The following PIK3C2A variants were observed in gnomAD, a reference collection of about 807,000 sequenced individuals.
PIK3C2A encodes the protein phosphatidylinositol 4-phosphate 3-kinase C2 domain-containing subunit alpha.
PIK3C2A carries 97 observed loss-of-function variants against 204.5 expected under a neutral mutation model. The ratio of observed to expected loss-of-function variants is 0.47; its 90% CI spans 0.40 to 0.56. The LOEUF (loss-of-function observed/expected upper bound fraction) is 0.56, where lower values mean the gene tolerates loss of function less well. Among genes scored for constraint, PIK3C2A ranks in the 20% least tolerant of loss-of-function variants. The probability of loss-of-function intolerance (pLI) is 0.00; values close to 1 mark genes in which losing one functional copy is unlikely to be tolerated. For synonymous variants in PIK3C2A, 653 were observed against 664.4 expected (o/e 0.98, Z 0.26); for missense variants, 1,735 against 1,969.2 (o/e 0.88, Z 2.25).
rs561069911 is a variant in PIK3C2A at position 17,098,718 on chromosome 11, A to C, written c.4118+1142T>G. ...ATTCATTTCAGCCCAGACTCTTGAG[A>C]CTAGGGAAGTCCAGTCAGTGTTTTA... On this transcript the variant is annotated intron_variant, in intron 26 of 32. Transcript: ENST00000691414. 2.6e-5 allele frequency among the ~76,000 whole-genome samples: 4 copies of C among 152,308 alleles called. No homozygotes were observed. In the East Asian group the frequency reaches 7.7e-4, roughly 29 times the overall value.
intron 13 of PIK3C2A, among the ~76,000 whole-genome samples, chr11:17,128,158 T>C (rs1462082881): frequency 2.6e-5 from 4 of 152,178 alleles, no homozygotes; most frequent in African/African-American, 9.7e-5. Flanking sequence ...GTGTTTGTTA[T>C]TATAGTAAAT....
At chr11:17,091,765 G>C (rs2137260464) in intron 30 of PIK3C2A, 109 bp from the exon 31 acceptor site, 1 of 758,054 alleles carries the variant, frequency 1.3e-6, no homozygotes, top group South Asian at 1.7e-5. Flanking sequence ...CGGACAGAAG[G>C]GAGGGGAAAA....
chr11:17,124,556 A>C (rs1232029421), intron 13 of PIK3C2A, among the ~76,000 whole-genome samples: 1 of 151,360 alleles, frequency 6.6e-6, no homozygotes, highest in African/African-American at 2.4e-5. Flanking sequence ...CTTTTAATTC[A>C]GGGTCAGCAA....
chr11:17,199,166 G>T (rs1852276244), intron 1 of PIK3C2A, among the ~76,000 whole-genome samples: 1 of 149,676 alleles, frequency 6.7e-6, no homozygotes, highest in Admixed American at 6.7e-5. Flanking sequence ...GACATGAAAA[G>T]ATACTCAATA....
chr11:17,154,277 C>T (rs1490209126), intron 3 of PIK3C2A, among the ~76,000 whole-genome samples: 2 of 152,012 alleles, frequency 1.3e-5, no homozygotes, highest in Non-Finnish European at 2.9e-5. Flanking sequence ...GGGAGAGTAA[C>T]CTTTGCCAAG....
In PIK3C2A at chr11:17,112,678, A is replaced by G; in HGVS notation, c.3322-12T>C. ...AAGAAGGAACACGACTGCAAATACA[A>G]CATGTTAAGCATTAGAAAGATAAAT... On this transcript the variant is annotated splice_polypyrimidine_tract_variant and intron_variant, in intron 20 of 32. Coordinates refer to ENST00000691414, the MANE Select transcript of PIK3C2A (RefSeq NM_002645.4). 7.2e-7 allele frequency: 1 copy of G among 1,385,346 alleles called. No individual in the cohort carries two copies. The highest frequency in any genetic ancestry group is 1.4e-5 in the South Asian group (1 of 69,836). The allele number at this position is 1,385,346 out of a possible 1,614,324, so 85.8% of individuals were successfully genotyped here.
intron 1 of PIK3C2A, among the ~76,000 whole-genome samples, chr11:17,188,144 C>T (rs2137543441): frequency 6.6e-6 from 1 of 151,936 alleles, no homozygotes; most frequent in African/African-American, 2.4e-5. Flanking sequence ...TCGAGACCAG[C>T]CTGGCCAACA....
intron 8 of PIK3C2A, among the ~76,000 whole-genome samples, chr11:17,139,688 C>T (rs576896722): frequency 4.6e-5 from 7 of 152,332 alleles, no homozygotes; most frequent in Admixed American, 3.9e-4. Flanking sequence ...GCCTCCGTTA[C>T]ATAAACGTCC....
intron 1 of PIK3C2A, among the ~76,000 whole-genome samples, chr11:17,201,440 T>C (rs1437718765): frequency 7.0e-6 from 1 of 142,214 alleles, no homozygotes; most frequent in South Asian, 2.2e-4. Flanking sequence ...GGCAGGAGAA[T>C]CACTTGAGCC....
rs190720106 is a variant in PIK3C2A, at chr11:17,178,066, C to A, written c.-65-8260G>T. Among the ~76,000 whole-genome samples the A allele has an allele frequency of 8.9e-5, 11 of 123,284 alleles. No individual in the cohort carries two copies. In the East Asian group the frequency reaches 2.7e-3, roughly 30 times the overall value. 80.9% of individuals were successfully genotyped at this position (123,284 alleles called of 152,430 possible). On this transcript the variant is annotated intron_variant, in intron 1 of 32. Coordinates refer to ENST00000691414, the MANE Select transcript of PIK3C2A (RefSeq NM_002645.4). ...CGAGATCATGCCACCACACTCCAGC[C>A]TGGGCAACAGAGTGAGACTCCATCT...
chr11:17,206,934 T>G (rs1003842591), intron 1 of PIK3C2A, among the ~76,000 whole-genome samples: 3 of 152,204 alleles, frequency 2.0e-5, no homozygotes, highest in African/African-American at 7.2e-5. Context: ...TTTCACTTAA[T>G]TCAAACCCCC....
Position 17,150,622 on chromosome 11 carries a change from G to A in PIK3C2A, c.1203C>T (p.Arg401=). 1 of 1,606,520 alleles carries A rather than the reference G, an allele frequency of 6.2e-7. No homozygotes were observed. Among genetic ancestry groups the A allele is most frequent in the Non-Finnish European group, 8.5e-7 (1 of 1,176,990 alleles). The change falls in exon 4 of 33, where the codon CGC becomes CGT. Residue 401 remains arginine, a synonymous_variant. Transcript: ENST00000691414. ...GACTTAACAAATAGCCTGGGTTTGTGCGGTGATTGGTATATGGAAATTTGG... is the reference window on the plus strand; with the variant it reads ...GACTTAACAAATAGCCTGGGTTTGTACGGTGATTGGTATATGGAAATTTGG... ...LKTKFPYTNH[R]TNPGYLLSPV...
chr11:17,100,222 CT>C (rs1272313951), intron 25 of PIK3C2A, among the ~76,000 whole-genome samples: 3 of 118,600 alleles, frequency 2.5e-5, no homozygotes, highest in Non-Finnish European at 1.6e-5. Context: ...TCCAGATCTC[CT>C]TTTGTCTAGG....
intron 1 of PIK3C2A, among the ~76,000 whole-genome samples, chr11:17,197,976 C>G (rs1020643472): frequency 3.9e-5 from 6 of 152,148 alleles, no homozygotes; most frequent in African/African-American, 1.4e-4. Flanking sequence ...CCATCAATTT[C>G]TATGACTAAA....
intron 8 of PIK3C2A, among the ~76,000 whole-genome samples, chr11:17,144,075 T>G (rs1850154037): frequency 6.6e-6 from 1 of 152,228 alleles, no homozygotes; most frequent in South Asian, 2.1e-4. Context: ...ACATGGATTA[T>G]AAGGATAATA....
chr11:17,107,513 C>G (rs192554768), intron 22 of PIK3C2A, among the ~76,000 whole-genome samples: 20 of 151,960 alleles, frequency 1.3e-4, no homozygotes, highest in Non-Finnish European at 2.5e-4. Context: ...CAAAACATTT[C>G]CAGAAGGCTA....
chr11:17,205,627 G>A (rs1479398902), intron 1 of PIK3C2A, among the ~76,000 whole-genome samples: 2 of 152,052 alleles, frequency 1.3e-5, no homozygotes, highest in Non-Finnish European at 2.9e-5. Flanking sequence ...TTCACTTATT[G>A]AATGTGCTTA....
intron 1 of PIK3C2A, among the ~76,000 whole-genome samples, chr11:17,186,755 A>G (rs772397246): frequency 2.0e-5 from 3 of 152,236 alleles, no homozygotes; most frequent in Admixed American, 1.3e-4. Context: ...TGTGAGAAAT[A>G]CAGTTCATGT....
rs543080997 is a variant in PIK3C2A, at chr11:17,115,041, G to A, written c.3217-576C>T. On this transcript the variant is annotated intron_variant, in intron 19 of 32. Coordinates refer to ENST00000691414, the MANE Select transcript of PIK3C2A (RefSeq NM_002645.4). ...GAGGTAATAGTTTATAATTAAGATT[G>A]TATGTAATATTTCCCCAAATTAATC... Among the ~76,000 whole-genome samples, 13 of 152,240 alleles carry A rather than the reference G, an allele frequency of 8.5e-5. No individual in the cohort carries two copies. In the South Asian group the frequency reaches 2.7e-3, roughly 32 times the overall value.
Sources: gnomAD v4.1 joint callset for allele counts (sites outside exome capture counted in the v4.1 genomes callset) on GRCh38, gnomAD v4.1.1 for gene constraint, MANE v1.5 for transcripts, NCBI Gene and HGNC (gene_info 2026-07-23, HGNC 2026-07-21) for gene names.